ARHGAP8: variants seen among roughly 807,000 people sequenced by gnomAD.
ARHGAP8 encodes rho GTPase-activating protein 8.
A neutral mutation model predicts 46.1 loss-of-function variants in ARHGAP8; 62 were observed. That is an observed-to-expected ratio of 1.34 (90% CI 1.10 to 1.66). The LOEUF (loss-of-function observed/expected upper bound fraction) is 1.66, where lower values mean the gene tolerates loss of function less well. Ranked by LOEUF, ARHGAP8 falls within the 40% of genes most tolerant of loss-of-function variation. The probability of loss-of-function intolerance (pLI) is 0.00; values close to 1 mark genes in which losing one functional copy is unlikely to be tolerated. For missense variants in ARHGAP8, 923 were observed against 568.4 expected, an observed-to-expected ratio of 1.62 and a Z score of -6.34; for synonymous variants, 375 against 243.1, an observed-to-expected ratio of 1.54 and a Z score of -5.05.
chr22:44,859,934 C>T lies in ARHGAP8; in HGVS notation c.981+100C>T, dbSNP rs545798254. The T allele has an allele frequency of 9.8e-5, 137 of 1,391,726 alleles. 1 individual carries two copies. The highest frequency in any genetic ancestry group is 6.3e-4 in the African/African-American group (44 of 70,382). The allele number at this position is 1,391,726 out of a possible 1,614,324, so 86.2% of individuals were successfully genotyped here. On this transcript the variant is annotated intron_variant, in intron 11 of 11. Transcript: ENST00000356099. The stretch of plus-strand genomic sequence containing the variant: ...CCCCTCCTTGCCCTGGGTCTGGGGT[C>T]ATGCCCTGCTTGGGCCTCGGAATAC...
chr22:44,762,101 CAGA>C (rs1284741836), intron 1 of ARHGAP8, among the ~76,000 whole-genome samples: 1 of 152,204 alleles, frequency 6.6e-6, no homozygotes, highest in African/African-American at 2.4e-5. Flanking sequence ...TAACAGAGAT[CAGA>C]AGGACAGACA....
chr22:44,808,328 C>A lies in ARHGAP8; in HGVS notation c.189C>A (p.Asp63Glu). The A allele has an allele frequency of 6.2e-7, 1 of 1,614,162 alleles. No individual in the cohort carries two copies. The highest frequency in any genetic ancestry group is 1.1e-5 in the South Asian group (1 of 91,064). Reference protein sequence around the residue: ...RLLEYLKYTLDQYVENDYTIV... With the variant: ...RLLEYLKYTLEQYVENDYTIV... ...CCAGGTATTTGAAGTACACACTGGACCAATACGTTGAGAACGATTATACCA... is the reference window on the plus strand; with the variant it reads ...CCAGGTATTTGAAGTACACACTGGAACAATACGTTGAGAACGATTATACCA... The change falls in exon 4 of 12, where the codon GAC becomes GAA. Residue 63 changes from aspartate to glutamate, a missense_variant. Asp to Glu is a conservative substitution (Grantham distance 45). Coordinates refer to ENST00000356099, the MANE Select transcript of ARHGAP8 (RefSeq NM_181335.3).
chr22:44,843,241 G>A (rs1215000011), intron 7 of ARHGAP8, among the ~76,000 whole-genome samples: 2 of 152,138 alleles, frequency 1.3e-5, no homozygotes, highest in Admixed American at 6.5e-5. Flanking sequence ...AGAAATAAAT[G>A]CCCAGTAAAA....
intron 5 of ARHGAP8, among the ~76,000 whole-genome samples, chr22:44,818,725 C>G (rs1374542641): frequency 2.7e-5 from 4 of 150,656 alleles, no homozygotes; most frequent in South Asian, 2.1e-4. Context: ...TTCATAGGTT[C>G]TTGTTCCATC....
At chr22:44,836,904 A>C (rs931110587) in intron 7 of ARHGAP8, among the ~76,000 whole-genome samples, 11 of 151,902 alleles carry the variant, frequency 7.2e-5, no homozygotes, top group Non-Finnish European at 1.3e-4. Context: ...TTTGAGGCAG[A>C]GGCTCACTCT....
chr22:44,800,106 T>G (rs1163855011), intron 2 of ARHGAP8, among the ~76,000 whole-genome samples: 6 of 99,146 alleles, frequency 6.1e-5, no homozygotes, highest in Admixed American at 5.4e-4. Flanking sequence ...CTGTCTTTTT[T>G]TTTTTTTTTT....
rs140803027 is a variant in ARHGAP8 at position 44,862,661 on chromosome 22, A to C, written c.*66A>C. On this transcript the variant is annotated 3_prime_UTR_variant, in exon 12 of 12. Coordinates refer to ENST00000356099, the MANE Select transcript of ARHGAP8 (RefSeq NM_181335.3). Reference sequence around the variant, plus strand: ...CTGTCTGTGCACTTGTATGTTTTGTAAACTTGGCATCTGTAAAAATAACCA... The same window carrying C: ...CTGTCTGTGCACTTGTATGTTTTGTCAACTTGGCATCTGTAAAAATAACCA... The C allele has an allele frequency of 1.3e-3, 1,970 of 1,486,234 alleles. 30 individuals are homozygous for C. In the East Asian group the frequency reaches 0.025, roughly 19 times the overall value. The allele number at this position is 1,486,234 out of a possible 1,614,324, so 92.1% of individuals were successfully genotyped here. A position where few individuals can be genotyped will look rare whatever the true frequency, so the allele number is the denominator to read the frequency against.
intron 4 of ARHGAP8, among the ~76,000 whole-genome samples, chr22:44,810,554 A>C (rs948535564): frequency 6.6e-6 from 1 of 152,120 alleles, no homozygotes; most frequent in African/African-American, 2.4e-5. Flanking sequence ...GGCTTTTATT[A>C]AGCGTTAGAT....
intron 6 of ARHGAP8, among the ~76,000 whole-genome samples, chr22:44,823,571 T>C (rs1178818094): frequency 6.6e-6 from 1 of 151,984 alleles, no homozygotes; most frequent in Non-Finnish European, 1.5e-5. Flanking sequence ...CTGGAGGCCA[T>C]GAGAGGATGA....
At chr22:44,766,681 G>C (rs1486347685) in intron 1 of ARHGAP8, among the ~76,000 whole-genome samples, 2 of 152,150 alleles carry the variant, frequency 1.3e-5, no homozygotes, top group South Asian at 4.1e-4. Context: ...CTCTCTCTGG[G>C]GGTCTTTGCT....
chr22:44,768,840 CTTT>C (rs780509950), intron 1 of ARHGAP8, among the ~76,000 whole-genome samples: 2 of 137,600 alleles, frequency 1.5e-5, no homozygotes, highest in Admixed American at 7.4e-5. Flanking sequence ...GTGTGTTTTT[CTTT>C]TTTTTTTTTT....
intron 3 of ARHGAP8, 90 bp from the exon 4 acceptor site, chr22:44,808,217 G>C: frequency 6.5e-7 from 1 of 1,540,416 alleles, no homozygotes; most frequent in Non-Finnish European, 8.8e-7. Flanking sequence ...CACCTACTGG[G>C]TGACCATAGC....
At chr22:44,775,309 T>C (rs1926343139) in intron 1 of ARHGAP8, among the ~76,000 whole-genome samples, 1 of 152,200 alleles carries the variant, frequency 6.6e-6, no homozygotes. Flanking sequence ...TCTGGCTGCC[T>C]GGATATCAGC....
chr22:44,815,142 A>C (rs1929644280), intron 5 of ARHGAP8, among the ~76,000 whole-genome samples: 1 of 152,134 alleles, frequency 6.6e-6, no homozygotes, highest in African/African-American at 2.4e-5. Flanking sequence ...GCAAAGGTAA[A>C]AGGCACACAA....
chr22:44,774,420 A>G (rs1926264479), intron 1 of ARHGAP8, among the ~76,000 whole-genome samples: 1 of 152,226 alleles, frequency 6.6e-6, no homozygotes, highest in African/African-American at 2.4e-5. Context: ...CCAATCAACA[A>G]CATCAACAAA....
At chr22:44,844,608 G>A (rs187929351) in intron 7 of ARHGAP8, among the ~76,000 whole-genome samples, 4 of 152,020 alleles carry the variant, frequency 2.6e-5, no homozygotes, top group Admixed American at 2.0e-4. Context: ...GATTACAGGT[G>A]TACACGATCA....
intron 1 of ARHGAP8, among the ~76,000 whole-genome samples, chr22:44,786,252 G>C (rs1481447144): frequency 2.6e-5 from 4 of 151,268 alleles, no homozygotes; most frequent in Non-Finnish European, 5.9e-5. Context: ...CTGAGGGAGG[G>C]CGCGTACTGG....
At chr22:44,846,577 C>T (rs566521544) in intron 8 of ARHGAP8, among the ~76,000 whole-genome samples, 22 of 152,266 alleles carry the variant, frequency 1.4e-4, no homozygotes, top group African/African-American at 5.3e-4. Context: ...CACTGGGACC[C>T]CAAGAGGCCT....
chr22:44,769,437 G>A (rs1423834811), intron 1 of ARHGAP8, among the ~76,000 whole-genome samples: 1 of 151,944 alleles, frequency 6.6e-6, no homozygotes, highest in Non-Finnish European at 1.5e-5. Context: ...TGCCATTCTG[G>A]GCCCTTTTTA....
Sources: allele counts gnomAD v4.1 joint callset (sites outside exome capture counted in the v4.1 genomes callset), GRCh38; gene constraint gnomAD v4.1.1; transcripts MANE v1.5; gene names NCBI Gene and HGNC (gene_info 2026-07-23, HGNC 2026-07-21).